DOCK9: variants seen among roughly 807,000 people sequenced by gnomAD.
The protein encoded by DOCK9 is dedicator of cytokinesis protein 9.
In DOCK9, 89 loss-of-function variants were observed where a neutral mutation model predicts 263.3. The observed-to-expected ratio is 0.34, with a 90% CI of 0.28 to 0.40. DOCK9 has a LOEUF of 0.40. Ranked by LOEUF, DOCK9 falls within the 10% of genes least tolerant of loss-of-function variation. DOCK9 has a pLI of 1.00. For synonymous variants in DOCK9, 976 were observed against 973.1 expected, an observed-to-expected ratio of 1.00 and a Z score of -0.06; for missense variants, 2,140 against 2,603.4, an observed-to-expected ratio of 0.82 and a Z score of 3.87.
At position 99,079,014 on chromosome 13, in the gene DOCK9, A is replaced by T. The variant is rs553774892; in HGVS notation, c.129+7209T>A. On this transcript the variant is annotated intron_variant, in intron 1 of 32. Coordinates refer to the DOCK9 transcript ENST00000427887. ...GCCGATAGCCAGTCAACGAATGTAT[A>T]TAAGAGATTTATGCTAAAGAAAAAT... Among the ~76,000 whole-genome samples the T allele has an allele frequency of 2.6e-4, 39 of 152,386 alleles. 1 individual carries two copies. Among genetic ancestry groups the T allele is most frequent in the African/African-American group, 8.9e-4 (37 of 41,600 alleles).
intron 1 of DOCK9, among the ~76,000 whole-genome samples, chr13:99,001,660 G>C (rs1882341404): frequency 6.6e-6 from 1 of 152,208 alleles, no homozygotes; most frequent in African/African-American, 2.4e-5. Flanking sequence ...GAGAGAGGAG[G>C]ACTTGGGGCC....
chr13:99,060,904 T>C lies in DOCK9; in HGVS notation c.129+25319A>G, dbSNP rs16956304. On this transcript the variant is annotated intron_variant, in intron 1 of 32. Coordinates refer to the DOCK9 transcript ENST00000427887. ...CAGAGTGGCTGGTGTGTAACAATACTCAGTGAATGCATGTTAAATAAATAA... is the reference window on the plus strand; with the variant it reads ...CAGAGTGGCTGGTGTGTAACAATACCCAGTGAATGCATGTTAAATAAATAA... Among the ~76,000 whole-genome samples, 1,002 of 152,292 alleles carry C rather than the reference T, an allele frequency of 6.6e-3. 13 individuals are homozygous for C. Among genetic ancestry groups the C allele is most frequent in the African/African-American group, 0.023 (941 of 41,556 alleles).
intron 39 of DOCK9, among the ~76,000 whole-genome samples, chr13:98,837,260 C>G (rs1001245039): frequency 6.6e-6 from 1 of 152,154 alleles, no homozygotes; most frequent in African/African-American, 2.4e-5. Context: ...GTGTTTCCAC[C>G]ATACCCAAGC....
chr13:98,855,232 C>T (rs2093677216), intron 34 of DOCK9, among the ~76,000 whole-genome samples: 2 of 152,192 alleles, frequency 1.3e-5, no homozygotes, highest in Admixed American at 1.3e-4. Flanking sequence ...GACCTAACAC[C>T]CTTGTGGGTG....
chr13:98,864,813 G>C (rs911977996), intron 30 of DOCK9, among the ~76,000 whole-genome samples: 1 of 152,134 alleles, frequency 6.6e-6, no homozygotes, highest in African/African-American at 2.4e-5. Context: ...AATCCCTCAT[G>C]AATGGCTTGG....
At chr13:99,043,013 C>A (rs1055060579) in intron 1 of DOCK9, among the ~76,000 whole-genome samples, 1 of 152,192 alleles carries the variant, frequency 6.6e-6, no homozygotes, top group Admixed American at 6.5e-5. Context: ...CCCAGAGACT[C>A]CCACAGCACT....
chr13:98,959,238 T>C (rs1400115582), intron 1 of DOCK9, among the ~76,000 whole-genome samples: 8 of 152,234 alleles, frequency 5.3e-5, no homozygotes, highest in Non-Finnish European at 1.2e-4. Context: ...TCAACCATAG[T>C]AAATGTGTGA....
At chr13:98,850,647 G>A (rs2141504220) in intron 35 of DOCK9, among the ~76,000 whole-genome samples, 1 of 152,292 alleles carries the variant, frequency 6.6e-6, no homozygotes, top group Admixed American at 6.5e-5. Flanking sequence ...GTCTCCTACT[G>A]ATAGGCAGTT....
At position 98,904,616 on chromosome 13, in the gene DOCK9, T is replaced by C; in HGVS notation, c.1035+16A>G. The C allele has an allele frequency of 4.6e-6, 7 of 1,534,438 alleles. No homozygotes were observed. The highest frequency in any genetic ancestry group is 6.2e-6 in the Non-Finnish European group (7 of 1,133,966). ...CACATTTGGTTTTAAATATTAAACA[T>C]TTAGATAGTTCTTACCTGGGCATCT... is the stretch of plus-strand genomic sequence containing the variant. On this transcript the variant is annotated intron_variant, in intron 10 of 52. Transcript: ENST00000682017.
At position 98,885,103 on chromosome 13, in the gene DOCK9, C is replaced by A. The variant is rs943397037; in HGVS notation, c.2261-11G>T. 4 of 1,613,080 alleles carry A rather than the reference C, an allele frequency of 2.5e-6. No individual in the cohort carries two copies. Among genetic ancestry groups the A allele is most frequent in the Non-Finnish European group, 3.4e-6 (4 of 1,179,560 alleles). ...GCCAGGAGTAGCCAACTGTTGAAAACAAAGAACAACAACAACAACAGAACA... is the reference window on the plus strand; with the variant it reads ...GCCAGGAGTAGCCAACTGTTGAAAAAAAAGAACAACAACAACAACAGAACA... On this transcript the variant is annotated splice_polypyrimidine_tract_variant and intron_variant, in intron 20 of 52. Transcript: ENST00000682017.
At chr13:98,875,761 A>C (rs1179894842) in intron 27 of DOCK9, among the ~76,000 whole-genome samples, 3 of 152,246 alleles carry the variant, frequency 2.0e-5, no homozygotes, top group African/African-American at 7.2e-5. Context: ...ATGAAACTAG[A>C]GTCTGGCACA....
intron 2 of DOCK9, among the ~76,000 whole-genome samples, chr13:98,935,378 C>CGATGTGG (rs2054644980): frequency 6.6e-6 from 1 of 152,186 alleles, no homozygotes; most frequent in African/African-American, 2.4e-5. Flanking sequence ...AATTAAACAA[C>CGATGTGG]ACTAAAAGTC....
intron 34 of DOCK9, chr13:98,854,420 G>GTA (rs571530554): frequency 2.0e-5 from 3 of 151,710 alleles, no homozygotes; most frequent in Non-Finnish European, 4.4e-5. Flanking sequence ...GTGTGTGTGT[G>GTA]TATATATATA....
intron 35 of DOCK9, among the ~76,000 whole-genome samples, chr13:98,851,519 A>AT (rs1275261332): frequency 1.5e-4 from 23 of 152,218 alleles, no homozygotes; most frequent in Non-Finnish European, 4.4e-5. Context: ...GGCATGGGCA[A>AT]TGACGCTGCC....
At chr13:98,909,212 T>C (rs1595206895) in intron 9 of DOCK9, among the ~76,000 whole-genome samples, 4 of 152,158 alleles carry the variant, frequency 2.6e-5, no homozygotes, top group Admixed American at 2.6e-4. Context: ...AAAAGAATGA[T>C]TCATCTAAAC....
At chr13:98,866,864 G>A (rs770535975) in intron 30 of DOCK9, among the ~76,000 whole-genome samples, 72 of 152,252 alleles carry the variant, frequency 4.7e-4, no homozygotes, top group Admixed American at 1.9e-3. Context: ...GCAAAAAACC[G>A]GATGCCTCCC....
intron 1 of DOCK9, among the ~76,000 whole-genome samples, chr13:99,043,645 A>G (rs929217365): frequency 1.3e-5 from 2 of 152,160 alleles, no homozygotes; most frequent in Non-Finnish European, 2.9e-5. Flanking sequence ...TGCCAAGGCT[A>G]TCTATTTTCT....
At chr13:99,036,852 T>A (rs59334375) in intron 1 of DOCK9, among the ~76,000 whole-genome samples, 2 of 152,316 alleles carry the variant, frequency 1.3e-5, no homozygotes, top group East Asian at 3.9e-4. Context: ...GGATTTTTTT[T>A]ATAGCAGCTG....
Position 98,831,251 on chromosome 13 carries a change from A to G in DOCK9, c.4635+97T>C, listed in dbSNP as rs369622255. 7.5e-4 allele frequency: 999 copies of G among 1,330,738 alleles called. 16 individuals carry two copies. The South Asian group carries it at 0.014, about 19-fold the overall frequency. 82.4% of individuals were successfully genotyped at this position (1,330,738 alleles called of 1,614,324 possible). A position where few individuals can be genotyped will look rare whatever the true frequency, so the allele number is the denominator to read the frequency against. ...GTTTTCCAGATCTTGCAGTATCTTT[A>G]TGACAAGGTAAATTGGTTAATGTGA... On this transcript the variant is annotated intron_variant, in intron 41 of 52. Transcript: ENST00000682017.
Sources: gnomAD v4.1 joint callset for allele counts (sites outside exome capture counted in the v4.1 genomes callset) on GRCh38, gnomAD v4.1.1 for gene constraint, MANE v1.5 for transcripts, NCBI Gene and HGNC (gene_info 2026-07-23, HGNC 2026-07-21) for gene names.